The following KCND2 variants were observed in gnomAD, a reference collection of about 807,000 sequenced individuals.
KCND2 encodes potassium voltage-gated channel subfamily D member 2.
A neutral mutation model predicts 54.4 loss-of-function variants in KCND2; 16 were observed. The observed-to-expected ratio is 0.29, with a 90% CI of 0.20 to 0.45. The LOEUF is 0.45. Ranked by LOEUF, KCND2 falls within the 20% of genes least tolerant of loss-of-function variation. The probability of loss-of-function intolerance (pLI) is 1.00; values close to 1 mark genes in which losing one functional copy is unlikely to be tolerated. For missense variants in KCND2, 486 were observed against 824.2 expected, an observed-to-expected ratio of 0.59 and a Z score of 5.02; for synonymous variants, 317 against 310.7, an observed-to-expected ratio of 1.02 and a Z score of -0.21.
At chr7:120,588,112 G>A (rs1180703922) in intron 1 of KCND2, among the ~76,000 whole-genome samples, 1 of 152,046 alleles carries the variant, frequency 6.6e-6, no homozygotes, top group Non-Finnish European at 1.5e-5. Context: ...TATTTTTACA[G>A]ATATAATTCG....
At chr7:120,514,838 A>T (rs1225903265) in intron 1 of KCND2, among the ~76,000 whole-genome samples, 5 of 152,072 alleles carry the variant, frequency 3.3e-5, no homozygotes, top group Admixed American at 2.6e-4. Flanking sequence ...CTCCTCTAAG[A>T]ATCTAATGTG....
Position 120,298,283 on chromosome 7 carries a change from C to T in KCND2, c.1115+22536C>T, listed in dbSNP as rs181132471. ...TCTCCTTAGCTAATTTTATGGTAAA[C>T]AGTCACCAAAAGGGGAACTCATTTA... On this transcript the variant is annotated intron_variant, in intron 1 of 5. Coordinates refer to ENST00000331113, the MANE Select transcript of KCND2 (RefSeq NM_012281.3). Among the ~76,000 whole-genome samples the T allele has an allele frequency of 1.9e-3, 282 of 152,280 alleles. 2 individuals are homozygous for T. Among genetic ancestry groups the T allele is most frequent in the Non-Finnish European group, 2.7e-3 (181 of 68,016 alleles).
Position 120,505,293 on chromosome 7 carries a change from A to G in KCND2, c.1116-227610A>G, listed in dbSNP as rs902232444. ...TCCCTCCCTCTTCCCCTTAACATCTATCTTAGGAATCTTCAAAAGCAAATC... is the reference window on the plus strand; with the variant it reads ...TCCCTCCCTCTTCCCCTTAACATCTGTCTTAGGAATCTTCAAAAGCAAATC... On this transcript the variant is annotated intron_variant, in intron 1 of 5. Transcript: ENST00000331113. 9.9e-5 allele frequency among the ~76,000 whole-genome samples: 15 copies of G among 151,828 alleles called. No individual in the cohort carries two copies. The East Asian group carries it at 2.7e-3, about 28-fold the overall frequency.
At chr7:120,498,956 C>T (rs1181451155) in intron 1 of KCND2, among the ~76,000 whole-genome samples, 3 of 152,008 alleles carry the variant, frequency 2.0e-5, no homozygotes, top group Non-Finnish European at 4.4e-5. Flanking sequence ...AGCATGATCA[C>T]TTGAAGATAT....
intron 1 of KCND2, among the ~76,000 whole-genome samples, chr7:120,576,887 C>T (rs552722416): frequency 9.9e-5 from 15 of 152,094 alleles, no homozygotes; most frequent in Admixed American, 6.6e-5. Context: ...TGGCTCACAC[C>T]TGTAATCCCA....
intron 1 of KCND2, among the ~76,000 whole-genome samples, chr7:120,599,499 T>A (rs1445257476): frequency 1.3e-4 from 20 of 152,008 alleles, no homozygotes; most frequent in African/African-American, 2.4e-5. Flanking sequence ...TATTTTTTTG[T>A]TTCTTTTATT....
At chr7:120,732,163 A>C (rs1334995432) in intron 1 of KCND2, among the ~76,000 whole-genome samples, 1 of 152,134 alleles carries the variant, frequency 6.6e-6, no homozygotes, top group African/African-American at 2.4e-5. Flanking sequence ...TTATATGGAG[A>C]AGATAAGAGG....
chr7:120,547,841 C>T (rs558054040), intron 1 of KCND2, among the ~76,000 whole-genome samples: 136 of 151,818 alleles, frequency 9.0e-4, no homozygotes, highest in Non-Finnish European at 1.7e-3. Context: ...ATCTTAAGAA[C>T]GTGAGGCAGT....
At chr7:120,428,879 A>G (rs1801751797) in intron 1 of KCND2, among the ~76,000 whole-genome samples, 1 of 152,188 alleles carries the variant, frequency 6.6e-6, no homozygotes, top group South Asian at 2.1e-4. Context: ...CCCCTTAAAT[A>G]TGCCTTAAAG....
chr7:120,384,538 C>T (rs1290426519), intron 1 of KCND2, among the ~76,000 whole-genome samples: 1 of 152,120 alleles, frequency 6.6e-6, no homozygotes, highest in Non-Finnish European at 1.5e-5. Context: ...AATTATGTCA[C>T]TATAATACAG....
intron 1 of KCND2, among the ~76,000 whole-genome samples, chr7:120,378,783 T>A (rs1800871932): frequency 6.6e-6 from 1 of 152,018 alleles, no homozygotes; most frequent in Admixed American, 6.6e-5. Context: ...ATTTACTTTC[T>A]TATTAGGACT....
chr7:120,562,316 G>A (rs1013479890), intron 1 of KCND2, among the ~76,000 whole-genome samples: 4 of 152,100 alleles, frequency 2.6e-5, no homozygotes, highest in South Asian at 2.1e-4. Context: ...ACATGAGAAC[G>A]TTATATGAGG....
At chr7:120,304,598 A>G (rs1204423857) in intron 1 of KCND2, among the ~76,000 whole-genome samples, 1 of 152,184 alleles carries the variant, frequency 6.6e-6, no homozygotes, top group Non-Finnish European at 1.5e-5. Flanking sequence ...ACTCCAGCTT[A>G]TTCTGATGCC....
chr7:120,745,649 A>G lies in KCND2; in HGVS notation c.1468-131A>G, dbSNP rs577147212. On this transcript the variant is annotated intron_variant, in intron 4 of 5. Transcript: ENST00000331113. ...GGTTTTGATGTCAATCTTTATGAAAATGGTTTTATTTAACCATTGTATCAA... is the reference window on the plus strand; with the variant it reads ...GGTTTTGATGTCAATCTTTATGAAAGTGGTTTTATTTAACCATTGTATCAA... 3.5e-4 allele frequency: 321 copies of G among 910,356 alleles called. 2 individuals are homozygous for G. The highest frequency in any genetic ancestry group is 5.2e-4 in the Non-Finnish European group (306 of 582,918). 56.4% of individuals were successfully genotyped at this position (910,356 alleles called of 1,614,324 possible).
At chr7:120,518,111 C>T (rs573920638) in intron 1 of KCND2, among the ~76,000 whole-genome samples, 3 of 152,146 alleles carry the variant, frequency 2.0e-5, no homozygotes, top group South Asian at 2.1e-4. Context: ...AAGTGAACAT[C>T]GGGTCTGGGG....
chr7:120,742,411 C>T (rs1792953201), intron 3 of KCND2, 99 bp from the exon 4 acceptor site: 4 of 930,354 alleles, frequency 4.3e-6, no homozygotes, highest in Non-Finnish European at 3.6e-6. Context: ...TAAAATGTTG[C>T]CAGTTAATAG....
chr7:120,572,557 G>A (rs1036348637), intron 1 of KCND2, among the ~76,000 whole-genome samples: 5 of 152,060 alleles, frequency 3.3e-5, no homozygotes, highest in African/African-American at 4.8e-5. Flanking sequence ...TCTCACTGTC[G>A]CCTAGGCTGG....
chr7:120,537,393 G>A (rs1011319190), intron 1 of KCND2, among the ~76,000 whole-genome samples: 1 of 152,136 alleles, frequency 6.6e-6, no homozygotes, highest in African/African-American at 2.4e-5. Flanking sequence ...GCTGGATTTA[G>A]CACAATTGTT....
Position 120,274,725 on chromosome 7 carries a change from G to A in KCND2, c.93G>A (p.Pro31=), listed in dbSNP as rs1799146487. ...CCTCGGGGCCTATGCCGGCTCCCCCGAGGCAGGAGAGGAAAAGGACCCAAG... is the reference window on the plus strand; with the variant it reads ...CCTCGGGGCCTATGCCGGCTCCCCCAAGGCAGGAGAGGAAAAGGACCCAAG... The part of the protein sequence containing the change: ...PVASGPMPAP[P]RQERKRTQDA... The change falls in exon 1 of 6, where the codon CCG becomes CCA. Residue 31 remains proline, a synonymous_variant. Coordinates refer to ENST00000331113, the MANE Select transcript of KCND2 (RefSeq NM_012281.3). The A allele has an allele frequency of 1.2e-6, 2 of 1,613,814 alleles. No homozygotes were observed. The highest frequency in any genetic ancestry group is 2.2e-5 in the East Asian group (1 of 44,854).
Sources: allele counts gnomAD v4.1 joint callset (sites outside exome capture counted in the v4.1 genomes callset), GRCh38; gene constraint gnomAD v4.1.1; transcripts MANE v1.5; gene names NCBI Gene and HGNC (gene_info 2026-07-23, HGNC 2026-07-21).